The following KALRN variants were observed in gnomAD, a reference collection of about 807,000 sequenced individuals.
KALRN encodes the protein kalirin.
Under a neutral mutation model 353.7 loss-of-function variants are expected in KALRN, and 70 were observed. The ratio of observed to expected loss-of-function variants is 0.20; its 90% CI spans 0.16 to 0.24. The LOEUF (loss-of-function observed/expected upper bound fraction) is 0.24, where lower values mean the gene tolerates loss of function less well. Ranked by LOEUF, KALRN falls within the 10% of genes least tolerant of loss-of-function variation. KALRN has a pLI of 1.00. For synonymous variants in KALRN, 1,391 were observed against 1,434.8 expected, an observed-to-expected ratio of 0.97 and a Z score of 0.69; for missense variants, 2,791 against 3,756.7, an observed-to-expected ratio of 0.74 and a Z score of 6.72.
intron 11 of KALRN, among the ~76,000 whole-genome samples, chr3:124,390,818 CTTG>C (rs1226468156): frequency 6.6e-6 from 1 of 152,076 alleles, no homozygotes; most frequent in Non-Finnish European, 1.5e-5. Flanking sequence ...ATCCGTAAGC[CTTG>C]TTATTTTTCT....
intron 47 of KALRN, among the ~76,000 whole-genome samples, chr3:124,668,043 G>GAGACAC (rs747214390): frequency 7.2e-6 from 1 of 138,314 alleles, no homozygotes; most frequent in East Asian, 2.1e-4. Flanking sequence ...TGTATATCGA[G>GAGACAC]ACACACACAC....
rs528725026 is a variant in KALRN, at chr3:124,395,063, G to C, written c.1963-72G>C. On this transcript the variant is annotated intron_variant, in intron 11 of 59. Coordinates refer to ENST00000682506, the MANE Select transcript of KALRN (RefSeq NM_001388419.1). ...GAGTAAGTTGGGTGATTCCAGTCTA[G>C]CTTCCTTGCCCTCACCCCAGCCCTG... is the stretch of plus-strand genomic sequence containing the variant. 9.3e-5 allele frequency: 114 copies of C among 1,224,914 alleles called. No individual in the cohort carries two copies. The African/African-American group carries it at 1.3e-3, about 14-fold the overall frequency. The allele number at this position is 1,224,914 out of a possible 1,614,324, so 75.9% of individuals were successfully genotyped here.
intron 23 of KALRN, among the ~76,000 whole-genome samples, chr3:124,460,898 G>A (rs1172904976): frequency 6.6e-6 from 1 of 152,158 alleles, no homozygotes; most frequent in African/African-American, 2.4e-5. Flanking sequence ...CTTTAAAGAT[G>A]CATAACACAG....
At chr3:124,379,186 T>G (rs1219712008) in intron 10 of KALRN, among the ~76,000 whole-genome samples, 1 of 152,190 alleles carries the variant, frequency 6.6e-6, no homozygotes, top group Non-Finnish European at 1.5e-5. Flanking sequence ...TAACCTACTG[T>G]TAATACAGTC....
At chr3:124,093,746 A>G (rs538256238) in intron 1 of KALRN, among the ~76,000 whole-genome samples, 2 of 152,344 alleles carry the variant, frequency 1.3e-5, no homozygotes, top group Admixed American at 1.3e-4. Context: ...GAAGAGTCAT[A>G]TACAAAGGAG....
chr3:124,137,873 G>T (rs145434210), intron 1 of KALRN, among the ~76,000 whole-genome samples: 102 of 152,302 alleles, frequency 6.7e-4, no homozygotes, highest in African/African-American at 2.4e-3. Context: ...GAGGGCAGGG[G>T]TGAAGGGCAC....
chr3:124,605,753 G>T (rs2149495667), intron 34 of KALRN, among the ~76,000 whole-genome samples: 1 of 152,124 alleles, frequency 6.6e-6, no homozygotes, highest in Non-Finnish European at 1.5e-5. Context: ...TAGGGGTTTT[G>T]GTGTCATATA....
rs577066179 is a variant in KALRN at position 124,646,592 on chromosome 3, T to C, written c.5665-4216T>C. On this transcript the variant is annotated intron_variant, in intron 37 of 59. Transcript: ENST00000682506. ...TTTTAGTAGAGATGGGGTTTCACCATGTTGGCCAAGCTGGTTTTGAACTCC... is the reference window on the plus strand; with the variant it reads ...TTTTAGTAGAGATGGGGTTTCACCACGTTGGCCAAGCTGGTTTTGAACTCC... 1.3e-4 allele frequency among the ~76,000 whole-genome samples: 20 copies of C among 151,970 alleles called. No individual in the cohort carries two copies. The East Asian group carries it at 3.5e-3, about 27-fold the overall frequency.
At chr3:124,494,398 C>T (rs1038153710) in intron 32 of KALRN, among the ~76,000 whole-genome samples, 1 of 152,242 alleles carries the variant, frequency 6.6e-6, no homozygotes, top group African/African-American at 2.4e-5. Context: ...ACCAGAAGGG[C>T]CCACCATGGG....
At position 124,043,898 on chromosome 3, in the gene KALRN, G is replaced by C. The variant is rs142826893; in HGVS notation, c.73+10085G>C. ...AAGCGGGGAAAGAAGTAAGTGAGGA[G>C]AGGAGAGAGGGAGGGAAACTCAGGC... is the stretch of plus-strand genomic sequence containing the variant. On this transcript the variant is annotated intron_variant, in intron 1 of 59. Coordinates refer to ENST00000682506, the MANE Select transcript of KALRN (RefSeq NM_001388419.1). Among the ~76,000 whole-genome samples, 912 of 152,240 alleles carry C rather than the reference G, an allele frequency of 6.0e-3. 21 individuals carry two copies. The highest frequency in any genetic ancestry group is 0.054 in the East Asian group (277 of 5,162).
chr3:124,207,226 C>T (rs914472571), intron 1 of KALRN, among the ~76,000 whole-genome samples: 4 of 152,224 alleles, frequency 2.6e-5, no homozygotes, highest in African/African-American at 9.6e-5. Context: ...TGGCAGGCCC[C>T]CAGGCAGTGA....
At chr3:124,659,287 C>A in intron 42 of KALRN, 78 bp from the exon 43 acceptor site, 1 of 930,270 alleles carries the variant, frequency 1.1e-6, no homozygotes, top group Non-Finnish European at 1.8e-6. Flanking sequence ...GACCTGTCTT[C>A]CATGCCTTTG....
At chr3:124,257,285 GTCCTTGGA>G (rs2072154771) in intron 3 of KALRN, among the ~76,000 whole-genome samples, 1 of 152,186 alleles carries the variant, frequency 6.6e-6, no homozygotes, top group African/African-American at 2.4e-5. Context: ...CTTAACTGTT[GTCCTTGGA>G]TCACTATGGG....
At chr3:124,669,000 C>T (rs1183012483) in intron 47 of KALRN, among the ~76,000 whole-genome samples, 1 of 152,166 alleles carries the variant, frequency 6.6e-6, no homozygotes, top group Non-Finnish European at 1.5e-5. Flanking sequence ...ATTGACATAA[C>T]AATAATGGCT....
At chr3:124,658,574 C>A (rs2084392026) in intron 42 of KALRN, 57 bp downstream of exon 42, 4 of 1,320,282 alleles carry the variant, frequency 3.0e-6, no homozygotes, top group Non-Finnish European at 3.3e-6. Flanking sequence ...GCCAAAACAG[C>A]CACTTTCAGA....
At chr3:124,297,201 G>A (rs1008509921) in intron 5 of KALRN, among the ~76,000 whole-genome samples, 1 of 152,200 alleles carries the variant, frequency 6.6e-6, no homozygotes, top group African/African-American at 2.4e-5. Flanking sequence ...TCACTCTTCT[G>A]TTCAAGGGAC....
rs76121175 is a variant in KALRN at position 124,256,741 on chromosome 3, G to A, written c.264-7757G>A. On this transcript the variant is annotated intron_variant, in intron 3 of 59. Coordinates refer to ENST00000682506, the MANE Select transcript of KALRN (RefSeq NM_001388419.1). Reference sequence around the variant, plus strand: ...ATGACTCTGTGGGCATCAGGTGTGGGCAGGACCTAACATGCACCTAGAGAG... The same window carrying A: ...ATGACTCTGTGGGCATCAGGTGTGGACAGGACCTAACATGCACCTAGAGAG... Among the ~76,000 whole-genome samples the A allele has an allele frequency of 0.036, 5,461 of 152,230 alleles. 666 individuals are homozygous for A. The East Asian group carries it at 0.44, about 12-fold the overall frequency.
At chr3:124,077,813 C>T (rs2060336771) in intron 1 of KALRN, among the ~76,000 whole-genome samples, 1 of 152,188 alleles carries the variant, frequency 6.6e-6, no homozygotes, top group African/African-American at 2.4e-5. Context: ...AACTTGGCAT[C>T]CCAGGCTCCA....
At chr3:124,514,335 A>G (rs1183186860) in intron 33 of KALRN, among the ~76,000 whole-genome samples, 1 of 152,178 alleles carries the variant, frequency 6.6e-6, no homozygotes, top group Non-Finnish European at 1.5e-5. Flanking sequence ...CTTTTCCCTA[A>G]AAGTCCCTGC....
Sources: allele counts gnomAD v4.1 joint callset (sites outside exome capture counted in the v4.1 genomes callset), GRCh38; gene constraint gnomAD v4.1.1; transcripts MANE v1.5; gene names NCBI Gene and HGNC (gene_info 2026-07-23, HGNC 2026-07-21).